Variants in NDST1 observed in about 807,000 individuals in gnomAD.
NDST1 encodes the protein bifunctional heparan sulfate N-deacetylase/N-sulfotransferase 1.
In NDST1, 35 loss-of-function variants were observed where a neutral mutation model predicts 92.8. That is an observed-to-expected ratio of 0.38 (90% CI 0.29 to 0.50). The LOEUF (loss-of-function observed/expected upper bound fraction) is 0.50, where lower values mean the gene tolerates loss of function less well. Ranked by LOEUF, NDST1 falls within the 20% of genes least tolerant of loss-of-function variation. The probability of loss-of-function intolerance (pLI) is 0.94; values close to 1 mark genes in which losing one functional copy is unlikely to be tolerated. For synonymous variants in NDST1, 493 were observed against 500.3 expected (o/e 0.99, Z 0.19); for missense variants, 822 against 1,182.7 (o/e 0.69, Z 4.47).
intron 11 of NDST1, 136 bp downstream of exon 11, chr5:150,545,622 G>C: frequency 8.8e-7 from 1 of 1,134,890 alleles, no homozygotes; most frequent in East Asian, 2.4e-5. Flanking sequence ...CTGGAGCGTG[G>C]TGATGGCTGA....
chr5:150,550,183 C>T (rs1355461378), intron 13 of NDST1, among the ~76,000 whole-genome samples: 1 of 151,530 alleles, frequency 6.6e-6, no homozygotes, highest in Non-Finnish European at 1.5e-5. Flanking sequence ...TCACTGCAAC[C>T]TCAACCTCCC....
intron 12 of NDST1, 44 bp downstream of exon 12, chr5:150,548,432 G>A (rs374970147): frequency 6.3e-7 from 1 of 1,597,836 alleles, no homozygotes; most frequent in Non-Finnish European, 8.5e-7. Flanking sequence ...CACAGTACTG[G>A]CTTGCTGTGG....
At chr5:150,500,818 C>T (rs183742822) in intron 1 of NDST1, among the ~76,000 whole-genome samples, 83 of 152,328 alleles carry the variant, frequency 5.4e-4, no homozygotes, top group Non-Finnish European at 9.7e-4. Flanking sequence ...AACTGAGGTA[C>T]ATAGAGGGAA....
intron 1 of NDST1, among the ~76,000 whole-genome samples, chr5:150,502,190 G>A (rs1753262267): frequency 6.6e-6 from 1 of 152,174 alleles, no homozygotes; most frequent in African/African-American, 2.4e-5. Context: ...CTGGGGGTGA[G>A]GGTGGACGCA....
chr5:150,532,920 T>C, intron 3 of NDST1, 25 bp from the exon 4 acceptor site: 3 of 1,610,464 alleles, frequency 1.9e-6, no homozygotes, highest in South Asian at 1.1e-5. Context: ...CCCTCACTCA[T>C]TCCTTTCTCC....
intron 1 of NDST1, among the ~76,000 whole-genome samples, chr5:150,510,726 C>A (rs1331547014): frequency 2.6e-5 from 4 of 152,218 alleles, no homozygotes; most frequent in African/African-American, 9.6e-5. Context: ...TGCCAGGGAA[C>A]CCAGAACAGA....
Position 150,556,969 on chromosome 5 carries a change from TTGAAGCCCCACATTC to T in NDST1, c.*3642_*3656del, listed in dbSNP as rs1249904949. 6.5e-6 allele frequency: 1 copy of T among 152,706 alleles called. No individual in the cohort carries two copies. The highest frequency in any genetic ancestry group is 1.5e-5 in the Non-Finnish European group (1 of 68,048). 9.5% of individuals were successfully genotyped at this position (152,706 alleles called of 1,614,324 possible). A position where few individuals can be genotyped will look rare whatever the true frequency, so the allele number is the denominator to read the frequency against. On this transcript the variant is annotated 3_prime_UTR_variant, in exon 15 of 15. Transcript: ENST00000261797. ...TTGAGGCCCTAGGCCTGCTGTCTTT[TTGAAGCCCCACATTC>T]TGAATTTGTCAGATTGTTTGCTCAT...
intron 6 of NDST1, among the ~76,000 whole-genome samples, chr5:150,536,114 C>A (rs2545342): frequency 2.0e-5 from 3 of 152,042 alleles, no homozygotes; most frequent in African/African-American, 7.2e-5. Flanking sequence ...GAGGATCAAG[C>A]AATAATCAGC....
chr5:150,554,115 T>G lies in NDST1; in HGVS notation c.*783T>G, dbSNP rs577401677. On this transcript the variant is annotated 3_prime_UTR_variant, in exon 15 of 15. Transcript: ENST00000261797. ...GGGGTCTGCCAGTAACATGTTCCCA[T>G]GTACAGACACGGTCCCCACACCCTC... The G allele has an allele frequency of 2.5e-6, 1 of 400,222 alleles. No homozygotes were observed. Among genetic ancestry groups the G allele is most frequent in the South Asian group, 1.3e-4 (1 of 7,924 alleles). 24.8% of individuals were successfully genotyped at this position (400,222 alleles called of 1,614,324 possible).
At chr5:150,532,818 C>T (rs945688222) in intron 3 of NDST1, 127 bp from the exon 4 acceptor site, 29 of 914,386 alleles carry the variant, frequency 3.2e-5, no homozygotes, top group East Asian at 4.8e-5. Context: ...TGAGCCACCA[C>T]GCCGTCCTTG....
chr5:150,531,498 C>G (rs1227604209), intron 3 of NDST1, among the ~76,000 whole-genome samples: 15 of 138,806 alleles, frequency 1.1e-4, no homozygotes, highest in Admixed American at 1.1e-3. Flanking sequence ...TTCTTTTTCT[C>G]TCTTTTTTTT....
rs1755184246 is a variant in NDST1 at position 150,540,282 on chromosome 5, C to A, written c.1749+18C>A. The A allele has an allele frequency of 1.3e-5, 20 of 1,589,012 alleles. No individual in the cohort carries two copies. The highest frequency in any genetic ancestry group is 1.6e-5 in the Non-Finnish European group (19 of 1,165,856). On this transcript the variant is annotated intron_variant, in intron 8 of 14. Transcript: ENST00000261797. Reference sequence around the variant, plus strand: ...TCTGGCAGGTGGGGGGCTGGGCAGCCTGGGCAGGTTGCTACAGGGATGGAA... The same window carrying A: ...TCTGGCAGGTGGGGGGCTGGGCAGCATGGGCAGGTTGCTACAGGGATGGAA...
chr5:150,554,000 G>A lies in NDST1; in HGVS notation c.*668G>A, dbSNP rs183457404. The A allele has an allele frequency of 2.3e-3, 919 of 407,610 alleles. 1 individual carries two copies. Among genetic ancestry groups the A allele is most frequent in the Middle Eastern group, 5.7e-3 (9 of 1,590 alleles). The allele number at this position is 407,610 out of a possible 1,614,324, so 25.2% of individuals were successfully genotyped here. ...CCTTGGGGCACTGCCTTGCCATCGG[G>A]CCCAGTTCTCCGGGCCCCACCTGCA... On this transcript the variant is annotated 3_prime_UTR_variant, in exon 15 of 15. Transcript: ENST00000261797. This position sits in a 1 kb window ranked among gnomAD's most constrained non-coding sequence, Gnocchi z 4.2.
At chr5:150,498,898 T>C (rs1753112116) in intron 1 of NDST1, among the ~76,000 whole-genome samples, 1 of 152,206 alleles carries the variant, frequency 6.6e-6, no homozygotes, top group Non-Finnish European at 1.5e-5. Flanking sequence ...GGAGTCTAGA[T>C]GACTTGGGCT....
At chr5:150,506,760 C>T (rs80257344), upstream of NDST1, among the ~76,000 whole-genome samples, 3,386 of 152,052 alleles carry the variant, frequency 0.022, 127 homozygotes, top group African/African-American at 0.077. Flanking sequence ...CACCCCAAGG[C>T]GTGTTGGTGG....
chr5:150,497,983 C>G (rs1318975736), exon 1 of NDST1: 1 of 152,404 alleles, frequency 6.6e-6, no homozygotes, highest in African/African-American at 2.4e-5. Context: ...CCCAAAGGTG[C>G]AGTGAGTTGT....
intron 1 of NDST1, among the ~76,000 whole-genome samples, chr5:150,514,345 G>A (rs1350242752): frequency 6.6e-6 from 1 of 152,184 alleles, no homozygotes; most frequent in Non-Finnish European, 1.5e-5. Flanking sequence ...CGAAGTGGGT[G>A]GATCATCGGA....
rs1309907986 is a variant in NDST1, at chr5:150,555,572, C to T, written c.*2240C>T. ...AGGGTGGCATGTCTGCTTGTGTGCT[C>T]ATGAAGACATGCCCACGCCATGGAG... On this transcript the variant is annotated 3_prime_UTR_variant, in exon 15 of 15. Transcript: ENST00000261797. 6.6e-6 allele frequency: 1 copy of T among 152,276 alleles called. No individual in the cohort carries two copies. Among genetic ancestry groups the T allele is most frequent in the African/African-American group, 2.4e-5 (1 of 41,426 alleles). The allele number at this position is 152,276 out of a possible 1,614,324, so 9.4% of individuals were successfully genotyped here. A position where few individuals can be genotyped will look rare whatever the true frequency, so the allele number is the denominator to read the frequency against.
At chr5:150,551,175 C>A (rs183564893) in intron 13 of NDST1, among the ~76,000 whole-genome samples, 7 of 152,230 alleles carry the variant, frequency 4.6e-5, no homozygotes, top group African/African-American at 9.6e-5. Context: ...ATCTCATATC[C>A]CAAAAATGCC....
Sources: gnomAD v4.1 joint callset for allele counts (sites outside exome capture counted in the v4.1 genomes callset) on GRCh38, gnomAD v4.1.1 for gene constraint, Gnocchi (gnomAD v3.1) non-coding constraint, MANE v1.5 for transcripts, NCBI Gene and HGNC (gene_info 2026-07-23, HGNC 2026-07-21) for gene names.